The following EXOC2 variants were observed in gnomAD, a reference collection of about 807,000 sequenced individuals.
EXOC2 encodes the protein SEC5-like 1.
Under a neutral mutation model 131.8 loss-of-function variants are expected in EXOC2, and 70 were observed. The ratio of observed to expected loss-of-function variants is 0.53; its 90% CI spans 0.44 to 0.65. The LOEUF (loss-of-function observed/expected upper bound fraction) is 0.65, where lower values mean the gene tolerates loss of function less well. Ranked by LOEUF, EXOC2 falls within the 30% of genes least tolerant of loss-of-function variation. The pLI, the probability that EXOC2 is intolerant of heterozygous loss-of-function variation, is 0.00. For synonymous variants in EXOC2, 411 were observed against 398.4 expected, an observed-to-expected ratio of 1.03 and a Z score of -0.38; for missense variants, 923 against 1,108.6, an observed-to-expected ratio of 0.83 and a Z score of 2.38.
chr6:541,720 AT>A lies in EXOC2; in HGVS notation c.2238+7454del, dbSNP rs1446023016. On this transcript the variant is annotated intron_variant, in intron 22 of 27. Coordinates refer to ENST00000230449, the MANE Select transcript of EXOC2 (RefSeq NM_018303.6). ...TGGGCAAAGTCCTAGAAAAATATAG[AT>A]GACTACGATTAACATGAAGAAATAA... 2.8e-4 allele frequency among the ~76,000 whole-genome samples: 42 copies of A among 152,338 alleles called. 1 individual carries two copies. The highest frequency in any genetic ancestry group is 1.0e-3 in the African/African-American group (42 of 41,576).
chr6:560,710 CT>C (rs1250904675), intron 17 of EXOC2, among the ~76,000 whole-genome samples: 2,414 of 143,874 alleles, frequency 0.017, 19 homozygotes, highest in Admixed American at 0.037. Context: ...AATTTTCTTT[CT>C]TTTTTTTTTT....
intron 23 of EXOC2, among the ~76,000 whole-genome samples, chr6:505,255 G>C (rs1302519799): frequency 6.6e-6 from 1 of 152,200 alleles, no homozygotes; most frequent in East Asian, 1.9e-4. Flanking sequence ...TTGGAAGTTA[G>C]AATTTCCGTT....
intron 1 of EXOC2, among the ~76,000 whole-genome samples, chr6:649,185 C>T (rs920370326): frequency 3.9e-5 from 6 of 151,972 alleles, no homozygotes; most frequent in Non-Finnish European, 8.8e-5. Context: ...CCACTGTGCC[C>T]GGCCACAAAC....
chr6:650,498 G>A (rs919377006), intron 1 of EXOC2, among the ~76,000 whole-genome samples: 3 of 152,076 alleles, frequency 2.0e-5, no homozygotes, highest in Admixed American at 6.5e-5. Context: ...ATTGTAAAAC[G>A]TTTTTACTGT....
At chr6:616,342 G>A (rs998435191) in intron 6 of EXOC2, among the ~76,000 whole-genome samples, 11 of 152,158 alleles carry the variant, frequency 7.2e-5, no homozygotes, top group South Asian at 4.1e-4. Flanking sequence ...GGTGGCTCAC[G>A]CCTGTAATCC....
intron 2 of EXOC2, 132 bp from the exon 3 acceptor site, chr6:633,249 G>T (rs1022053839): frequency 9.4e-6 from 9 of 958,146 alleles, no homozygotes; most frequent in Non-Finnish European, 1.2e-5. Flanking sequence ...ATTATTTGCA[G>T]ATATACTGTT....
chr6:619,689 T>C (rs1761189117), intron 4 of EXOC2, 146 bp from the exon 5 acceptor site: 2 of 540,342 alleles, frequency 3.7e-6, no homozygotes, highest in Admixed American at 3.0e-5. Context: ...AACATGTTTG[T>C]ATATATGTAC....
intron 23 of EXOC2, among the ~76,000 whole-genome samples, chr6:530,073 G>A (rs573547630): frequency 3.9e-5 from 6 of 152,262 alleles, no homozygotes; most frequent in Non-Finnish European, 7.4e-5. Context: ...TACCATATGA[G>A]AATTCACAAA....
Position 549,309 on chromosome 6 carries a change from G to C in EXOC2, c.2122-18C>G. On this transcript the variant is annotated intron_variant, in intron 21 of 27. Coordinates refer to ENST00000230449, the MANE Select transcript of EXOC2 (RefSeq NM_018303.6). Reference sequence around the variant, plus strand: ...CGCTGTTCCTAAAAGCAAAACAAATGTTTAGAAAATCACCTTTATGGTGCC... The same window carrying C: ...CGCTGTTCCTAAAAGCAAAACAAATCTTTAGAAAATCACCTTTATGGTGCC... 1 of 1,582,726 alleles carries C rather than the reference G, an allele frequency of 6.3e-7. No homozygotes were observed. Among genetic ancestry groups the C allele is most frequent in the Non-Finnish European group, 8.7e-7 (1 of 1,151,942 alleles).
At chr6:584,228 C>T (rs1201018209) in intron 11 of EXOC2, among the ~76,000 whole-genome samples, 1 of 152,134 alleles carries the variant, frequency 6.6e-6, no homozygotes, top group Non-Finnish European at 1.5e-5. Flanking sequence ...TTTAATCTCG[C>T]ATACAGGAAG....
intron 23 of EXOC2, among the ~76,000 whole-genome samples, chr6:516,915 C>T (rs1415514587): frequency 6.6e-6 from 1 of 152,234 alleles, no homozygotes; most frequent in South Asian, 2.1e-4. Context: ...CAGCGCCTCA[C>T]TGACGGAGAG....
intron 10 of EXOC2, among the ~76,000 whole-genome samples, chr6:594,494 C>A (rs1209596981): frequency 6.6e-6 from 1 of 152,150 alleles, no homozygotes; most frequent in Non-Finnish European, 1.5e-5. Context: ...TAAAGAGATA[C>A]TCTTTTAGGG....
In EXOC2 at chr6:495,403, T is replaced by C. The variant is rs530906105; in HGVS notation, c.2559+1964A>G. Among the ~76,000 whole-genome samples the C allele has an allele frequency of 2.6e-3, 387 of 151,720 alleles. 1 individual carries two copies. The highest frequency in any genetic ancestry group is 8.0e-3 in the African/African-American group (333 of 41,378). On this transcript the variant is annotated intron_variant, in intron 25 of 27. Coordinates refer to ENST00000230449, the MANE Select transcript of EXOC2 (RefSeq NM_018303.6). The stretch of plus-strand genomic sequence containing the variant: ...CCTCCCAAAGTGCTGGGATTACAGG[T>C]GTGAGCCACCGCGCCCGGCCTGAAC...
chr6:598,984 A>C lies in EXOC2; in HGVS notation c.889-43T>G, dbSNP rs554163579. 85 of 1,574,090 alleles carry C rather than the reference A, an allele frequency of 5.4e-5. No homozygotes were observed. In the Middle Eastern group the frequency reaches 6.8e-4, roughly 13 times the overall value. ...ATTTTGAAAACTGTCAGTAATGCAA[A>C]ATGAAGACATTTGGTTAATATAAAA... On this transcript the variant is annotated intron_variant, in intron 8 of 27. Transcript: ENST00000230449.
intron 10 of EXOC2, among the ~76,000 whole-genome samples, chr6:594,509 T>C (rs1759709464): frequency 6.6e-6 from 1 of 152,192 alleles, no homozygotes; most frequent in African/African-American, 2.4e-5. Flanking sequence ...TTAGGGACGG[T>C]GTTCCTTTTA....
intron 23 of EXOC2, among the ~76,000 whole-genome samples, chr6:530,477 A>G (rs929720285): frequency 2.0e-5 from 3 of 152,220 alleles, no homozygotes; most frequent in African/African-American, 4.8e-5. Flanking sequence ...GGGCACAGAG[A>G]GTGGCAAGAG....
chr6:646,543 C>G (rs1264561170), intron 1 of EXOC2, among the ~76,000 whole-genome samples: 1 of 152,128 alleles, frequency 6.6e-6, no homozygotes, highest in Non-Finnish European at 1.5e-5. Flanking sequence ...AAATTAAACA[C>G]AAACACATCC....
At chr6:603,425 T>C (rs1760211666) in intron 7 of EXOC2, among the ~76,000 whole-genome samples, 1 of 152,144 alleles carries the variant, frequency 6.6e-6, no homozygotes, top group African/African-American at 2.4e-5. Flanking sequence ...GCACTATGCC[T>C]GACACTCTGT....
chr6:681,220 C>T (rs1764389132), intron 1 of EXOC2, among the ~76,000 whole-genome samples: 2 of 152,166 alleles, frequency 1.3e-5, no homozygotes, highest in African/African-American at 4.8e-5. Flanking sequence ...TCCTGATCTT[C>T]AATACAATTC....
Sources: gnomAD v4.1 joint callset for allele counts (sites outside exome capture counted in the v4.1 genomes callset) on GRCh38, gnomAD v4.1.1 for gene constraint, MANE v1.5 for transcripts, NCBI Gene and HGNC (gene_info 2026-07-23, HGNC 2026-07-21) for gene names.